The following ANKRD26 variants were observed in gnomAD, a reference collection of about 807,000 sequenced individuals.
ANKRD26 encodes the protein ankyrin repeat domain-containing protein 26.
ANKRD26 carries 141 observed loss-of-function variants against 208.7 expected under a neutral mutation model. That is an observed-to-expected ratio of 0.68 (90% CI 0.59 to 0.78). The LOEUF is 0.78. Ranked by LOEUF, ANKRD26 falls within the 30% of genes least tolerant of loss-of-function variation. The pLI is 0.00. For missense variants in ANKRD26, 1,889 were observed against 1,938.7 expected, an observed-to-expected ratio of 0.97 and a Z score of 0.48; for synonymous variants, 636 against 660.4, an observed-to-expected ratio of 0.96 and a Z score of 0.57.
chr10:27,052,014 CTA>C (rs2054679555), intron 16 of ANKRD26: 1 of 985,250 alleles, frequency 1.0e-6, no homozygotes, highest in Non-Finnish European at 1.2e-6. Flanking sequence ...TACATCCTCT[CTA>C]TCACACTCCT....
intron 12 of ANKRD26, chr10:27,062,355 G>A (rs1260877541): frequency 2.1e-6 from 1 of 482,350 alleles, no homozygotes; most frequent in Non-Finnish European, 2.7e-6. Context: ...GCTTCTTTCA[G>A]ATTTCTCAAA....
intron 33 of ANKRD26, among the ~76,000 whole-genome samples, chr10:27,006,686 C>A (rs961878365): frequency 1.3e-5 from 2 of 151,890 alleles, no homozygotes; most frequent in African/African-American, 2.4e-5. Flanking sequence ...GCAAAGATTT[C>A]TTGAGTTTTT....
rs777390496 is a variant in ANKRD26 at position 27,033,367 on chromosome 10, C to T, written c.3665G>A (p.Arg1222Lys). 4.3e-6 allele frequency: 7 copies of T among 1,609,310 alleles called. No individual in the cohort carries two copies. Among genetic ancestry groups the T allele is most frequent in the Non-Finnish European group, 5.9e-6 (7 of 1,177,074 alleles). Residue 1222 changes from arginine to lysine, a missense_variant, in exon 25 of 34, where the codon AGA becomes AAA. Physicochemically the swap from Arg to Lys is conservative, Grantham distance 26. Transcript: ENST00000376087. ...NEKAEREVVV[R>K]QLQQELADTL... is the part of the protein sequence containing the mutation. ...ATCAGCTAGTTCTTGTTGAAGTTGT[C>T]TCACAACAACCTGATAAGACATTTT...
At chr10:26,984,646 T>C (rs1002432584) in intron 3 of ANKRD26, among the ~76,000 whole-genome samples, 1 of 152,188 alleles carries the variant, frequency 6.6e-6, no homozygotes, top group South Asian at 2.1e-4. Flanking sequence ...GGTGATGAAT[T>C]AGTCCCTTAC....
chr10:26,962,381 C>A, the ANKRD26 span, among the ~76,000 whole-genome samples: 1 of 151,952 alleles, frequency 6.6e-6, no homozygotes, highest in Non-Finnish European at 1.5e-5. Context: ...TCAAGACCAG[C>A]GGGGCCAACA....
chr10:27,011,042 G>T (rs1447126843), intron 32 of ANKRD26, among the ~76,000 whole-genome samples: 1 of 152,114 alleles, frequency 6.6e-6, no homozygotes, highest in Non-Finnish European at 1.5e-5. Flanking sequence ...CTTAGACTTG[G>T]TCTTCTATGA....
chr10:27,053,382 C>T lies in ANKRD26; in HGVS notation c.1573G>A (p.Asp525Asn), dbSNP rs2054729902. Residue 525 changes from aspartate (D) to asparagine (N), a missense_variant, in exon 16 of 34, where the codon GAC becomes AAC. Asp to Asn is a conservative substitution (Grantham distance 23, BLOSUM62 1). Around this residue, in one of 3 missense-constraint regions of ANKRD26, gnomAD observed 1,272 missense variants for 1,273.8 expected, o/e 1.00. Coordinates refer to ENST00000376087, the MANE Select transcript of ANKRD26 (RefSeq NM_014915.3). ...TCTTCTTCTGATGCTACTTCTAAGTCATGTTCAGCTGAAAAAATCCAAATA... is the reference window on the plus strand; with the variant it reads ...TCTTCTTCTGATGCTACTTCTAAGTTATGTTCAGCTGAAAAAATCCAAATA... ...DVQTSKAAEH[D>N]LEVASEEEQE... 1 of 1,610,070 alleles carries T rather than the reference C, an allele frequency of 6.2e-7. No individual in the cohort carries two copies. Among genetic ancestry groups the T allele is most frequent in the Non-Finnish European group, 8.5e-7 (1 of 1,177,952 alleles).
chr10:26,972,106 G>A (rs868859926), downstream of ANKRD26, among the ~76,000 whole-genome samples: 52 of 151,920 alleles, frequency 3.4e-4, no homozygotes, highest in Admixed American at 1.3e-3. Flanking sequence ...GTGGTGGCGG[G>A]CGCCTGTAGT....
chr10:27,062,341 T>C (rs776456481), intron 12 of ANKRD26: 1 of 539,964 alleles, frequency 1.9e-6, no homozygotes, highest in Non-Finnish European at 2.4e-6. Flanking sequence ...TATTGTCCAA[T>C]GACGCTTCTT....
intron 23 of ANKRD26, among the ~76,000 whole-genome samples, chr10:27,035,986 A>G (rs1363304415): frequency 6.6e-6 from 1 of 152,116 alleles, no homozygotes; most frequent in East Asian, 1.9e-4. Context: ...AGAAACCACT[A>G]GAAAATTTTT....
At chr10:27,062,627 T>C (rs867808085) in intron 12 of ANKRD26, among the ~76,000 whole-genome samples, 2 of 152,216 alleles carry the variant, frequency 1.3e-5, no homozygotes, top group Middle Eastern at 3.2e-3. Context: ...TGAAATTGTA[T>C]TGCAAGTCAT....
chr10:27,075,665 A>G lies in ANKRD26; in HGVS notation c.1077+1673T>C, dbSNP rs929074687. Among the ~76,000 whole-genome samples the G allele has an allele frequency of 5.3e-5, 8 of 152,118 alleles. No homozygotes were observed. In the South Asian group the frequency reaches 8.3e-4, roughly 16 times the overall value. ...CACAATAATAGTACAGGACTTCAAC[A>G]CTCCACTGACAGCACTAGACAGGTC... On this transcript the variant is annotated intron_variant, in intron 9 of 33. Transcript: ENST00000376087.
Position 27,086,608 on chromosome 10 carries a change from T to C in ANKRD26, c.640A>G (p.Ser214Gly), listed in dbSNP as rs781579053. ...NVNAVDKLESSHQLISEYKEE... is the reference protein window; with the variant it reads ...NVNAVDKLESGHQLISEYKEE... ...TTATATTCTGAAATTAGTTGGTGAC[T>C]GCTATGTATAGAAAAATGTAACAAA... Residue 214 changes from serine (S) to glycine (G), a missense_variant and splice_region_variant, in exon 5 of 34, where the codon AGT becomes GGT. This residue lies in a region of ANKRD26 where 1,272 missense variants were observed against 1,273.8 expected (regional missense o/e 1.00). Coordinates refer to ENST00000376087, the MANE Select transcript of ANKRD26 (RefSeq NM_014915.3). 3 of 1,602,104 alleles carry C rather than the reference T, an allele frequency of 1.9e-6. No individual in the cohort carries two copies. Among genetic ancestry groups the C allele is most frequent in the South Asian group, 2.2e-5 (2 of 90,022 alleles).
At chr10:26,980,426 G>C (rs1171660578) in intron 5 of ANKRD26, among the ~76,000 whole-genome samples, 1 of 152,156 alleles carries the variant, frequency 6.6e-6, no homozygotes, top group African/African-American at 2.4e-5. Context: ...AGCTGGTAAG[G>C]GTCTGAATGA....
At chr10:26,992,280 A>G (rs1054291738) in intron 5 of ANKRD26, among the ~76,000 whole-genome samples, 4 of 152,068 alleles carry the variant, frequency 2.6e-5, no homozygotes, top group African/African-American at 9.7e-5. Flanking sequence ...TTTCTTTAAA[A>G]TCTTATGGAG....
chr10:27,045,649 T>C (rs2054415616), intron 18 of ANKRD26, among the ~76,000 whole-genome samples: 1 of 152,130 alleles, frequency 6.6e-6, no homozygotes, highest in Non-Finnish European at 1.5e-5. Context: ...TCTTACAAAA[T>C]CATAGCTGTT....
chr10:26,995,621 G>T (rs1334980870), intron 4 of ANKRD26, among the ~76,000 whole-genome samples: 1 of 152,184 alleles, frequency 6.6e-6, no homozygotes, highest in Non-Finnish European at 1.5e-5. Flanking sequence ...TTTAAACGTT[G>T]ATTTTTAGTG....
chr10:27,013,172 G>A, intron 31 of ANKRD26, 62 bp from the exon 32 acceptor site: 1 of 1,458,740 alleles, frequency 6.9e-7, no homozygotes, highest in Non-Finnish European at 9.5e-7. Flanking sequence ...ATTCCTAAAA[G>A]ACTTGCAATT....
Position 27,017,499 on chromosome 10 carries a change from A to G in ANKRD26, c.4506+3T>C. 2 of 1,613,178 alleles carry G rather than the reference A, an allele frequency of 1.2e-6. No homozygotes were observed. Among genetic ancestry groups the G allele is most frequent in the Non-Finnish European group, 1.7e-6 (2 of 1,179,736 alleles). Reference sequence around the variant, plus strand: ...AACAAAGGCACACTACACATAAGCTAACCTGTAAAAATAGATTGACTTCTT... The same window carrying G: ...AACAAAGGCACACTACACATAAGCTGACCTGTAAAAATAGATTGACTTCTT... On this transcript the variant is annotated splice_donor_region_variant and intron_variant, in intron 30 of 33. Coordinates refer to ENST00000376087, the MANE Select transcript of ANKRD26 (RefSeq NM_014915.3).
Sources: allele counts gnomAD v4.1 joint callset (sites outside exome capture counted in the v4.1 genomes callset), GRCh38; gene constraint gnomAD v4.1.1; regional missense constraint gnomAD v4.1.1; transcripts MANE v1.5; gene names NCBI Gene and HGNC (gene_info 2026-07-23, HGNC 2026-07-21).